ANTXR1: variants seen among roughly 807,000 people sequenced by gnomAD.
ANTXR1 encodes anthrax toxin receptor 1.
A neutral mutation model predicts 78.1 loss-of-function variants in ANTXR1; 19 were observed. The ratio of observed to expected loss-of-function variants is 0.24; its 90% CI spans 0.17 to 0.36. The LOEUF is 0.36. Among genes scored for constraint, ANTXR1 ranks in the 10% least tolerant of loss-of-function variants. The pLI is 1.00. For missense variants in ANTXR1, 518 were observed against 718.6 expected (o/e 0.72, Z 3.19); for synonymous variants, 273 against 260.5 (o/e 1.05, Z -0.46).
intron 17 of ANTXR1, among the ~76,000 whole-genome samples, chr2:69,236,168 T>G (rs1455741243): frequency 6.6e-6 from 1 of 152,068 alleles, no homozygotes; most frequent in African/African-American, 2.4e-5. Context: ...TCAACCAGTT[T>G]CATCATTACT....
chr2:69,067,464 T>G (rs1272147483), intron 3 of ANTXR1, among the ~76,000 whole-genome samples: 105 of 129,984 alleles, frequency 8.1e-4, no homozygotes, highest in Non-Finnish European at 6.1e-4. Context: ...TTTTTTTTTT[T>G]GCTCTCTTTT....
At position 69,121,666 on chromosome 2, in the gene ANTXR1, T is replaced by C. The variant is rs559388320; in HGVS notation, c.803-1351T>C. Among the ~76,000 whole-genome samples, 6 of 152,338 alleles carry C rather than the reference T, an allele frequency of 3.9e-5. 1 individual carries two copies. Among genetic ancestry groups the C allele is most frequent in the African/African-American group, 1.4e-4 (6 of 41,578 alleles). On this transcript the variant is annotated intron_variant, in intron 10 of 17. Transcript: ENST00000303714. ...AGCAGAATATTATCCTTTAATAATA[T>C]ATGTATTCCTTTGTATCTTCTAGTT...
intron 13 of ANTXR1, among the ~76,000 whole-genome samples, chr2:69,165,393 G>C (rs181289425): frequency 1.6e-3 from 243 of 152,322 alleles, no homozygotes; most frequent in Non-Finnish European, 2.9e-3. Flanking sequence ...TACAACTTAA[G>C]AAGAAAGGGG....
chr2:69,062,849 G>C (rs946834595), intron 3 of ANTXR1, among the ~76,000 whole-genome samples: 3 of 152,118 alleles, frequency 2.0e-5, no homozygotes, highest in South Asian at 2.1e-4. Flanking sequence ...GAATACAATG[G>C]GGGGGAAGAT....
chr2:69,112,215 C>T (rs1386280671), intron 10 of ANTXR1, among the ~76,000 whole-genome samples: 1 of 152,176 alleles, frequency 6.6e-6, no homozygotes, highest in Non-Finnish European at 1.5e-5. Flanking sequence ...CTGGGCCAAG[C>T]ACCCTCCTGT....
chr2:69,043,364 G>T (rs1179690289), intron 2 of ANTXR1, among the ~76,000 whole-genome samples: 1 of 152,184 alleles, frequency 6.6e-6, no homozygotes, highest in Non-Finnish European at 1.5e-5. Flanking sequence ...GATCATACGT[G>T]CAAATCACTA....
chr2:69,156,521 T>C (rs1358257905), intron 13 of ANTXR1, among the ~76,000 whole-genome samples: 1 of 152,186 alleles, frequency 6.6e-6, no homozygotes, highest in Non-Finnish European at 1.5e-5. Context: ...GACTGGGTAA[T>C]TTATAAAGAA....
chr2:69,059,547 T>G (rs936080200), intron 3 of ANTXR1, among the ~76,000 whole-genome samples: 1 of 152,116 alleles, frequency 6.6e-6, no homozygotes, highest in African/African-American at 2.4e-5. Flanking sequence ...GGCACGATCT[T>G]GGCTCACTGC....
intron 13 of ANTXR1, among the ~76,000 whole-genome samples, chr2:69,152,496 G>C (rs763274845): frequency 3.9e-5 from 6 of 152,176 alleles, no homozygotes; most frequent in Admixed American, 6.5e-5. Context: ...CCCTTGGGTG[G>C]GGCAACTGGG....
intron 2 of ANTXR1, among the ~76,000 whole-genome samples, chr2:69,043,963 G>A (rs1186427180): frequency 2.0e-5 from 3 of 152,100 alleles, no homozygotes; most frequent in Non-Finnish European, 2.9e-5. Flanking sequence ...ATGCTATGAC[G>A]GAAGAACAAG....
At chr2:69,208,840 C>G (rs1674969490) in intron 17 of ANTXR1, among the ~76,000 whole-genome samples, 1 of 152,200 alleles carries the variant, frequency 6.6e-6, no homozygotes, top group Non-Finnish European at 1.5e-5. Flanking sequence ...GGGCCAATTC[C>G]TATCCCAAAC....
chr2:69,029,051 C>CCT (rs1491555162), intron 1 of ANTXR1, among the ~76,000 whole-genome samples: 2 of 125,758 alleles, frequency 1.6e-5, no homozygotes, highest in African/African-American at 5.8e-5. Context: ...ACCCCCCCCC[C>CCT]TCCATCTCTA....
At chr2:69,024,768 C>G (rs1305078475) in intron 1 of ANTXR1, among the ~76,000 whole-genome samples, 1 of 152,172 alleles carries the variant, frequency 6.6e-6, no homozygotes, top group Non-Finnish European at 1.5e-5. Flanking sequence ...TTGTCATTGT[C>G]TTAGCTCAGG....
chr2:69,083,445 G>A (rs2104256342), intron 8 of ANTXR1, among the ~76,000 whole-genome samples: 1 of 152,230 alleles, frequency 6.6e-6, no homozygotes, highest in South Asian at 2.1e-4. Flanking sequence ...TACAAAGCCT[G>A]CCCTGCTCTC....
At chr2:69,067,097 T>C (rs1670421258) in intron 3 of ANTXR1, among the ~76,000 whole-genome samples, 1 of 152,116 alleles carries the variant, frequency 6.6e-6, no homozygotes, top group African/African-American at 2.4e-5. Flanking sequence ...TATGAAACCA[T>C]CCATTTTGTT....
chr2:69,079,401 C>T (rs966983808), intron 8 of ANTXR1, among the ~76,000 whole-genome samples: 2 of 152,078 alleles, frequency 1.3e-5, no homozygotes, highest in African/African-American at 4.8e-5. Context: ...CATGAGAAGG[C>T]AGCGCAGACC....
chr2:69,123,410 T>G (rs1672418476), intron 11 of ANTXR1, among the ~76,000 whole-genome samples: 1 of 152,220 alleles, frequency 6.6e-6, no homozygotes, highest in African/African-American at 2.4e-5. Context: ...ATCCAAGGTC[T>G]GTCTGGCTTA....
intron 13 of ANTXR1, among the ~76,000 whole-genome samples, chr2:69,168,291 GCTT>G (rs1673885565): frequency 6.6e-6 from 1 of 152,202 alleles, no homozygotes; most frequent in African/African-American, 2.4e-5. Flanking sequence ...ACTACCAGAT[GCTT>G]AACACACATG....
chr2:69,202,074 T>C (rs559967766), intron 17 of ANTXR1, among the ~76,000 whole-genome samples: 2 of 151,986 alleles, frequency 1.3e-5, no homozygotes, highest in African/African-American at 4.8e-5. Flanking sequence ...GATCTGAGAG[T>C]CATTGGCCAT....
Sources: allele counts gnomAD v4.1 joint callset (sites outside exome capture counted in the v4.1 genomes callset), GRCh38; gene constraint gnomAD v4.1.1; transcripts MANE v1.5; gene names NCBI Gene and HGNC (gene_info 2026-07-23, HGNC 2026-07-21).